HS2ST1: variants seen among roughly 807,000 people sequenced by gnomAD.
HS2ST1 encodes the protein 2-O-sulfotransferase.
A neutral mutation model predicts 42.9 loss-of-function variants in HS2ST1; 18 were observed. That is an observed-to-expected ratio of 0.42 (90% CI 0.29 to 0.62). HS2ST1 has a LOEUF of 0.62. HS2ST1 is among the 20% of genes least tolerant of loss of function. HS2ST1 has a pLI of 0.21. For synonymous variants in HS2ST1, 146 were observed against 152.9 expected, an observed-to-expected ratio of 0.95 and a Z score of 0.33; for missense variants, 334 against 433.8, an observed-to-expected ratio of 0.77 and a Z score of 2.04.
chr1:86,952,214 AGCCTT>A lies in HS2ST1; in HGVS notation c.124+37055_124+37059del, dbSNP rs1570441898. Among the ~76,000 whole-genome samples, 15 of 152,280 alleles carry A rather than the reference AGCCTT, an allele frequency of 9.9e-5. No homozygotes were observed. In the East Asian group the frequency reaches 2.9e-3, roughly 29 times the overall value. On this transcript the variant is annotated intron_variant, in intron 1 of 6. Transcript: ENST00000370550. ...AGGAATCACTGTCCGTGGCAGCTAT[AGCCTT>A]ACAAAATGTTTTTCTTAAATAATAA...
intron 1 of HS2ST1, among the ~76,000 whole-genome samples, chr1:86,987,101 A>C (rs1238345688): frequency 1.6e-5 from 2 of 122,498 alleles, no homozygotes. Flanking sequence ...ATAGAGTCTC[A>C]CTCTATTGCC....
intron 6 of HS2ST1, 115 bp from the exon 7 acceptor site, chr1:87,104,355 T>G (rs543950285): frequency 4.4e-6 from 3 of 679,242 alleles, no homozygotes; most frequent in Admixed American, 5.4e-5. Context: ...AAGACAATTA[T>G]GTTACCTGTT....
chr1:87,104,697 G>A lies in HS2ST1; in HGVS notation c.*1G>A, dbSNP rs574068638. On this transcript the variant is annotated 3_prime_UTR_variant, in exon 7 of 7. Transcript: ENST00000370550. ...AAAGATTTACCCTAAGTCGAACTGA[G>A]TATAAGGTGTGACTATTGGATTCTT... The A allele has an allele frequency of 3.8e-6, 6 of 1,564,440 alleles. No individual in the cohort carries two copies. Among genetic ancestry groups the A allele is most frequent in the Middle Eastern group, 1.7e-4 (1 of 5,986 alleles).
rs1235376430 is a variant in HS2ST1, at chr1:87,109,955, CA to C, written c.*5260del. On this transcript the variant is annotated 3_prime_UTR_variant, in exon 7 of 7. Transcript: ENST00000370550. ...TCACCCTGCAGAATACTGGTTTTGT[CA>C]TTTCATAAATGATATTTTTATAAAT... The C allele has an allele frequency of 1.3e-5, 2 of 152,100 alleles. No individual in the cohort carries two copies. Among genetic ancestry groups the C allele is most frequent in the Non-Finnish European group, 2.9e-5 (2 of 67,998 alleles). 9.4% of individuals were successfully genotyped at this position (152,100 alleles called of 1,614,324 possible).
intron 1 of HS2ST1, among the ~76,000 whole-genome samples, chr1:86,967,117 C>T (rs1438291167): frequency 6.6e-6 from 1 of 152,112 alleles, no homozygotes; most frequent in Non-Finnish European, 1.5e-5. Flanking sequence ...TCTCGAACTC[C>T]TGACCTCAGG....
At chr1:87,068,883 G>C (rs1651324115) in intron 1 of HS2ST1, among the ~76,000 whole-genome samples, 2 of 151,952 alleles carry the variant, frequency 1.3e-5, no homozygotes. Flanking sequence ...TAAGAGATGG[G>C]GGTCTAGCTG....
rs548376234 is a variant in HS2ST1 at position 87,047,808 on chromosome 1, A to G, written c.125-25126A>G. On this transcript the variant is annotated intron_variant, in intron 1 of 6. Coordinates refer to ENST00000370550, the MANE Select transcript of HS2ST1 (RefSeq NM_012262.4). ...TCACTATTCTGTTCCATTGATCTGG[A>G]TGTCTGTCTTCATGCCAGTACTATA... Among the ~76,000 whole-genome samples the G allele has an allele frequency of 2.0e-5, 3 of 152,260 alleles. No individual in the cohort carries two copies. In the South Asian group the frequency reaches 6.2e-4, roughly 32 times the overall value.
At chr1:86,960,603 A>G (rs1021774805) in intron 1 of HS2ST1, among the ~76,000 whole-genome samples, 2 of 152,242 alleles carry the variant, frequency 1.3e-5, no homozygotes, top group Non-Finnish European at 2.9e-5. Context: ...AATGAACAAC[A>G]CAATTAAATG....
At chr1:87,014,406 C>G (rs1649690436) in intron 1 of HS2ST1, among the ~76,000 whole-genome samples, 1 of 152,128 alleles carries the variant, frequency 6.6e-6, no homozygotes, top group Non-Finnish European at 1.5e-5. Context: ...GAAAGACCTG[C>G]CCCCATGATT....
intron 1 of HS2ST1, among the ~76,000 whole-genome samples, chr1:86,970,900 TTTAATA>T (rs1294763008): frequency 6.6e-6 from 1 of 152,102 alleles, no homozygotes; most frequent in Non-Finnish European, 1.5e-5. Flanking sequence ...GGTCAAATAT[TTTAATA>T]TTTATATATA....
At chr1:87,101,947 A>G (rs1652220029) in intron 5 of HS2ST1, among the ~76,000 whole-genome samples, 1 of 152,226 alleles carries the variant, frequency 6.6e-6, no homozygotes, top group Non-Finnish European at 1.5e-5. Context: ...CTTATGATGC[A>G]GGCCTCAGGA....
At chr1:87,079,051 G>C (rs1651615293) in intron 2 of HS2ST1, among the ~76,000 whole-genome samples, 3 of 151,924 alleles carry the variant, frequency 2.0e-5, no homozygotes, top group Admixed American at 2.0e-4. Flanking sequence ...TTCAAAGGGA[G>C]TTACTCATAT....
In HS2ST1 at chr1:87,105,009, G is replaced by T; in HGVS notation, c.*313G>T. 4.0e-6 allele frequency: 1 copy of T among 247,488 alleles called. No homozygotes were observed. Among genetic ancestry groups the T allele is most frequent in the Non-Finnish European group, 7.8e-6 (1 of 128,342 alleles). The allele number at this position is 247,488 out of a possible 1,614,324, so 15.3% of individuals were successfully genotyped here. On this transcript the variant is annotated 3_prime_UTR_variant, in exon 7 of 7. Transcript: ENST00000370550. ...AAAGGCTAAATACAATTTCAGAAAA[G>T]GTTCTGATACTCTTGTTTTTGATAA... is the stretch of plus-strand genomic sequence containing the variant.
intron 1 of HS2ST1, among the ~76,000 whole-genome samples, chr1:86,948,117 TCCAGAAACAAAAAAA>T (rs1199790913): frequency 7.3e-6 from 1 of 136,316 alleles, no homozygotes; most frequent in Non-Finnish European, 1.5e-5. Context: ...TTCTCAAAGC[TCCAGAAACAAAAAAA>T]AAACAAAAAA....
Position 86,963,153 on chromosome 1 carries a change from CT to C in HS2ST1, c.124+48002del, listed in dbSNP as rs965754388. Among the ~76,000 whole-genome samples, 6 of 148,546 alleles carry C rather than the reference CT, an allele frequency of 4.0e-5. No individual in the cohort carries two copies. In the East Asian group the frequency reaches 7.9e-4, roughly 19 times the overall value. On this transcript the variant is annotated intron_variant, in intron 1 of 6. Transcript: ENST00000370550. ...TACAGAAAAATTGTGTTTATTAAATCTTTTTTTTTGTATTTTTTTTTTTTAA... is the reference window on the plus strand; with the variant it reads ...TACAGAAAAATTGTGTTTATTAAATCTTTTTTTTGTATTTTTTTTTTTTAA...
At chr1:86,986,357 T>C (rs936903388) in intron 1 of HS2ST1, among the ~76,000 whole-genome samples, 2 of 152,188 alleles carry the variant, frequency 1.3e-5, no homozygotes, top group Non-Finnish European at 2.9e-5. Context: ...TGGTATCTTA[T>C]TGCTTGAAAA....
chr1:86,921,247 G>A (rs1440724447), intron 1 of HS2ST1, among the ~76,000 whole-genome samples: 1 of 151,948 alleles, frequency 6.6e-6, no homozygotes, highest in Non-Finnish European at 1.5e-5. Context: ...TATGGAGAGG[G>A]GTTTTGAAAT....
At chr1:87,068,638 T>C (rs913763934) in intron 1 of HS2ST1, among the ~76,000 whole-genome samples, 2 of 152,170 alleles carry the variant, frequency 1.3e-5, no homozygotes, top group African/African-American at 4.8e-5. Context: ...CTTGCACCGG[T>C]TGTCAAAGGA....
intron 1 of HS2ST1, among the ~76,000 whole-genome samples, chr1:87,009,239 C>G (rs1436107270): frequency 6.6e-6 from 1 of 152,192 alleles, no homozygotes; most frequent in Non-Finnish European, 1.5e-5. Flanking sequence ...GTTTACCTTT[C>G]TCCATCCCTT....
Sources: allele counts gnomAD v4.1 joint callset (sites outside exome capture counted in the v4.1 genomes callset), GRCh38; gene constraint gnomAD v4.1.1; transcripts MANE v1.5; gene names NCBI Gene and HGNC (gene_info 2026-07-23, HGNC 2026-07-21).